The following CORIN variants were observed in gnomAD, a reference collection of about 807,000 sequenced individuals.
CORIN encodes corin, serine peptidase.
In CORIN, 117 loss-of-function variants were observed where a neutral mutation model predicts 125.3. The observed-to-expected ratio is 0.93, with a 90% confidence interval of 0.80 to 1.09. CORIN has a LOEUF of 1.09. CORIN is among the 50% of genes least tolerant of loss of function. CORIN has a pLI of 0.00. For synonymous variants in CORIN, 450 were observed against 466.4 expected, an observed-to-expected ratio of 0.96 and a Z score of 0.45; for missense variants, 1,253 against 1,306.7, an observed-to-expected ratio of 0.96 and a Z score of 0.63.
chr4:47,733,410 C>T (rs967673141), intron 5 of CORIN, among the ~76,000 whole-genome samples: 4 of 152,154 alleles, frequency 2.6e-5, no homozygotes, highest in Non-Finnish European at 4.4e-5. Flanking sequence ...AGGAGAAATT[C>T]GGACTATGTG....
At chr4:47,674,600 A>C (rs1577811970) in intron 9 of CORIN, 100 bp from the exon 10 acceptor site, 2 of 760,256 alleles carry the variant, frequency 2.6e-6, no homozygotes, top group East Asian at 5.0e-5. Context: ...GAGGAATAAC[A>C]CAACTTTAAT....
chr4:47,669,414 T>C (rs1015463703), intron 10 of CORIN, among the ~76,000 whole-genome samples: 13 of 152,126 alleles, frequency 8.5e-5, no homozygotes, highest in African/African-American at 3.1e-4. Context: ...TTAACATTAT[T>C]ATTTTTAATA....
intron 5 of CORIN, among the ~76,000 whole-genome samples, chr4:47,712,583 G>C (rs1449200414): frequency 6.6e-6 from 1 of 152,102 alleles, no homozygotes; most frequent in African/African-American, 2.4e-5. Context: ...GCACCCGGCT[G>C]ACATCATTTA....
chr4:47,656,711 A>G lies in CORIN; in HGVS notation c.1736-3051T>C, dbSNP rs375809715. 2.7e-4 allele frequency among the ~76,000 whole-genome samples: 41 copies of G among 152,304 alleles called. No individual in the cohort carries two copies. The East Asian group carries it at 6.4e-3, about 24-fold the overall frequency. On this transcript the variant is annotated intron_variant, in intron 12 of 21. Transcript: ENST00000273857. The stretch of plus-strand genomic sequence containing the variant: ...GGGAAAAACTGAAAGCCTTATCTCC[A>G]AGATCTGGAACATGACAAGGATACC...
rs73815721 is a variant in CORIN at position 47,603,404 on chromosome 4, G to C, written c.2805C>G (p.Gly935=). The C allele has an allele frequency of 6.2e-7, 1 of 1,613,732 alleles. No homozygotes were observed. Among genetic ancestry groups the C allele is most frequent in the Non-Finnish European group, 8.5e-7 (1 of 1,179,986 alleles). Reference sequence around the variant, plus strand: ...ACTAATACACTGGCTTACTTTTATTGCCCATGTGGCCCCAGCCTGTGATAT... The same window carrying C: ...ACTAATACACTGGCTTACTTTTATTCCCCATGTGGCCCCAGCCTGTGATAT... The part of the protein sequence containing the change: ...YCYITGWGHM[G]NKMPFKLQEG... Residue 935 remains glycine, a synonymous_variant, in exon 20 of 22, where the codon GGC becomes GGG. Coordinates refer to ENST00000273857, the MANE Select transcript of CORIN (RefSeq NM_006587.4).
intron 5 of CORIN, 75 bp downstream of exon 5, chr4:47,744,327 A>T: frequency 7.5e-7 from 1 of 1,324,598 alleles, no homozygotes. Context: ...TACACTTATT[A>T]TTTATATCCA....
chr4:47,731,795 G>A (rs1186343525), intron 5 of CORIN, among the ~76,000 whole-genome samples: 1 of 152,020 alleles, frequency 6.6e-6, no homozygotes, highest in Non-Finnish European at 1.5e-5. Flanking sequence ...CTTGAACCCA[G>A]GAGGCGGAGG....
chr4:47,809,958 A>T (rs1185202450), intron 1 of CORIN, among the ~76,000 whole-genome samples: 9 of 152,124 alleles, frequency 5.9e-5, no homozygotes, highest in African/African-American at 1.9e-4. Flanking sequence ...GCTTTGTTTC[A>T]ATGGACTCTA....
intron 16 of CORIN, among the ~76,000 whole-genome samples, chr4:47,631,363 C>T (rs1013493193): frequency 6.6e-6 from 1 of 152,118 alleles, no homozygotes; most frequent in Non-Finnish European, 1.5e-5. Context: ...ACTGCCTGAG[C>T]TCCGCCTCCT....
intron 1 of CORIN, among the ~76,000 whole-genome samples, chr4:47,808,518 A>C (rs905482712): frequency 1.3e-5 from 2 of 152,224 alleles, no homozygotes; most frequent in Non-Finnish European, 2.9e-5. Flanking sequence ...TCACTACATA[A>C]TATGATGACA....
intron 4 of CORIN, among the ~76,000 whole-genome samples, chr4:47,757,468 C>A (rs1417043536): frequency 6.6e-6 from 1 of 151,844 alleles, no homozygotes; most frequent in Admixed American, 6.6e-5. Flanking sequence ...GTGGTGGGCG[C>A]CTGTAATCCC....
chr4:47,707,458 G>A (rs941329814), intron 5 of CORIN, among the ~76,000 whole-genome samples: 2 of 152,138 alleles, frequency 1.3e-5, no homozygotes, highest in African/African-American at 2.4e-5. Flanking sequence ...ATTCCTCACT[G>A]TGAATCCCAC....
intron 1 of CORIN, chr4:47,831,295 G>A (rs752167459): frequency 6.6e-6 from 1 of 152,306 alleles, no homozygotes; most frequent in Non-Finnish European, 1.5e-5. Context: ...ACTGCCAGCA[G>A]GCAGAAGGGA....
chr4:47,633,865 T>C (rs925370393), intron 16 of CORIN, among the ~76,000 whole-genome samples: 2 of 152,220 alleles, frequency 1.3e-5, no homozygotes, highest in Non-Finnish European at 2.9e-5. Context: ...TTGGCTGCTC[T>C]TCTCTTCTTC....
intron 5 of CORIN, among the ~76,000 whole-genome samples, chr4:47,744,140 G>A (rs1728544393): frequency 6.6e-6 from 1 of 152,154 alleles, no homozygotes; most frequent in Non-Finnish European, 1.5e-5. Context: ...TTTATATGAA[G>A]TTCAGAAGTA....
chr4:47,602,546 T>C (rs1395024308), intron 20 of CORIN, among the ~76,000 whole-genome samples: 1 of 152,192 alleles, frequency 6.6e-6, no homozygotes, highest in Non-Finnish European at 1.5e-5. Context: ...ACCATGCAGC[T>C]TGACTGCAGA....
chr4:47,630,902 T>C (rs2109578107), intron 16 of CORIN, among the ~76,000 whole-genome samples: 1 of 152,266 alleles, frequency 6.6e-6, no homozygotes, highest in Admixed American at 6.5e-5. Context: ...CAGGTGATGA[T>C]GATGATGCTG....
chr4:47,604,765 G>T (rs1186329245), intron 19 of CORIN, among the ~76,000 whole-genome samples: 2 of 151,990 alleles, frequency 1.3e-5, no homozygotes. Flanking sequence ...CCCAAATCAT[G>T]GTCCTTCTTC....
chr4:47,697,931 T>C (rs1209462244), intron 5 of CORIN, among the ~76,000 whole-genome samples: 2 of 151,974 alleles, frequency 1.3e-5, no homozygotes, highest in Admixed American at 6.6e-5. Context: ...GAACTGGAGA[T>C]ATAACACACG....
Sources: allele counts gnomAD v4.1 joint callset (sites outside exome capture counted in the v4.1 genomes callset), GRCh38; gene constraint gnomAD v4.1.1; transcripts MANE v1.5; gene names NCBI Gene and HGNC (gene_info 2026-07-23, HGNC 2026-07-21).